Variants in CTNND2 observed in about 807,000 individuals in gnomAD.
CTNND2 encodes the protein catenin delta 2.
CTNND2 carries 22 observed loss-of-function variants against 144.4 expected under a neutral mutation model. That is an observed-to-expected ratio of 0.15 (90% CI 0.11 to 0.22). The LOEUF (loss-of-function observed/expected upper bound fraction) is 0.22. CTNND2 is among the 10% of genes least tolerant of loss of function. The pLI is 1.00. For synonymous variants in CTNND2, 751 were observed against 695.6 expected, an observed-to-expected ratio of 1.08 and a Z score of -1.25; for missense variants, 1,353 against 1,618.8, an observed-to-expected ratio of 0.84 and a Z score of 2.82.
chr5:11,101,726 G>A (rs1208012706), intron 14 of CTNND2, among the ~76,000 whole-genome samples: 1 of 152,156 alleles, frequency 6.6e-6, no homozygotes, highest in Non-Finnish European at 1.5e-5. Flanking sequence ...TTAAGAGCTT[G>A]AAATATGCAA....
At chr5:11,309,983 C>G (rs1219944358) in intron 9 of CTNND2, among the ~76,000 whole-genome samples, 1 of 152,106 alleles carries the variant, frequency 6.6e-6, no homozygotes, top group Non-Finnish European at 1.5e-5. Context: ...TGGGGCCTCC[C>G]CAGCCCTGCT....
At chr5:11,129,561 T>C (rs929642781) in intron 12 of CTNND2, among the ~76,000 whole-genome samples, 1 of 151,164 alleles carries the variant, frequency 6.6e-6, no homozygotes, top group Non-Finnish European at 1.5e-5. Context: ...GCTACAAGAA[T>C]GCCACCAAAT....
intron 3 of CTNND2, among the ~76,000 whole-genome samples, chr5:11,459,823 T>C (rs1766040667): frequency 6.6e-6 from 1 of 152,234 alleles, no homozygotes; most frequent in Non-Finnish European, 1.5e-5. Context: ...ATTCTATAAG[T>C]ACATTTAGGT....
intron 3 of CTNND2, among the ~76,000 whole-genome samples, chr5:11,434,961 A>G (rs951028514): frequency 1.3e-5 from 2 of 152,172 alleles, no homozygotes; most frequent in Non-Finnish European, 2.9e-5. Context: ...CACACAAACA[A>G]TAATTGAAAA....
intron 8 of CTNND2, among the ~76,000 whole-genome samples, chr5:11,356,600 G>A (rs1035583021): frequency 2.0e-5 from 3 of 151,940 alleles, no homozygotes; most frequent in African/African-American, 7.2e-5. Context: ...ACAACTAGAA[G>A]AAAACATAGG....
intron 9 of CTNND2, among the ~76,000 whole-genome samples, chr5:11,243,720 T>C (rs1350801480): frequency 6.6e-6 from 1 of 152,220 alleles, no homozygotes; most frequent in Non-Finnish European, 1.5e-5. Flanking sequence ...TCAGCACAGC[T>C]AAACAGCCAA....
chr5:11,786,183 T>C (rs1343093161), intron 1 of CTNND2, among the ~76,000 whole-genome samples: 1 of 152,216 alleles, frequency 6.6e-6, no homozygotes, highest in African/African-American at 2.4e-5. Flanking sequence ...CCAGGCCAGC[T>C]GGCAGAGGAC....
intron 12 of CTNND2, among the ~76,000 whole-genome samples, chr5:11,124,436 C>A (rs189110000): frequency 6.6e-6 from 1 of 152,114 alleles, no homozygotes; most frequent in Non-Finnish European, 1.5e-5. Context: ...GCCAATCATA[C>A]TTTTCTCGAT....
intron 2 of CTNND2, among the ~76,000 whole-genome samples, chr5:11,701,504 A>G (rs1785431539): frequency 1.3e-5 from 2 of 152,334 alleles, no homozygotes; most frequent in South Asian, 2.1e-4. Flanking sequence ...TATTTATTCT[A>G]TTTTGAGTTA....
intron 2 of CTNND2, among the ~76,000 whole-genome samples, chr5:11,650,005 A>T (rs1782563598): frequency 6.6e-6 from 1 of 152,186 alleles, no homozygotes; most frequent in Non-Finnish European, 1.5e-5. Flanking sequence ...TATTTTTGTT[A>T]TACACTCTTG....
At chr5:11,698,739 C>A (rs1162488954) in intron 2 of CTNND2, among the ~76,000 whole-genome samples, 1 of 151,970 alleles carries the variant, frequency 6.6e-6, no homozygotes, top group Non-Finnish European at 1.5e-5. Context: ...TACTTAATTT[C>A]ATTTGAAATG....
At chr5:11,377,146 G>A (rs1183838788) in intron 7 of CTNND2, among the ~76,000 whole-genome samples, 2 of 151,926 alleles carry the variant, frequency 1.3e-5, no homozygotes, top group Admixed American at 1.3e-4. Flanking sequence ...TGCCTCCTGG[G>A]TTCAAGCAAT....
chr5:11,754,680 G>A (rs999354329), intron 1 of CTNND2, among the ~76,000 whole-genome samples: 2 of 151,778 alleles, frequency 1.3e-5, no homozygotes, highest in African/African-American at 2.4e-5. Flanking sequence ...ATGTTTTCTT[G>A]TTGAGTTGAT....
At chr5:11,208,190 T>A (rs1321744138) in intron 10 of CTNND2, among the ~76,000 whole-genome samples, 2 of 152,148 alleles carry the variant, frequency 1.3e-5, no homozygotes, top group East Asian at 3.9e-4. Context: ...ACGACATGTA[T>A]TTACTGAAAT....
chr5:11,101,700 T>A (rs143674471), intron 14 of CTNND2, among the ~76,000 whole-genome samples: 3 of 152,214 alleles, frequency 2.0e-5, no homozygotes, highest in Non-Finnish European at 4.4e-5. Context: ...CTTGAGAACC[T>A]ACTACCAAAA....
chr5:10,985,406 G>A (rs1403956529), intron 20 of CTNND2, among the ~76,000 whole-genome samples: 1 of 152,160 alleles, frequency 6.6e-6, no homozygotes, highest in Non-Finnish European at 1.5e-5. Flanking sequence ...AGAATTTTAT[G>A]AGGCTTCATC....
chr5:11,582,135 T>C (rs1334071357), intron 2 of CTNND2, among the ~76,000 whole-genome samples: 2 of 152,146 alleles, frequency 1.3e-5, no homozygotes, highest in Non-Finnish European at 2.9e-5. Flanking sequence ...ACAGCTACAG[T>C]ATACCCTAAC....
rs892396551 is a variant in CTNND2 at position 11,183,831 on chromosome 5, T to C, written c.1975+15617A>G. On this transcript the variant is annotated intron_variant, in intron 11 of 21. Transcript: ENST00000304623. ...GCCTCGGCCTCCCAAAGTGCTGGGA[T>C]TACAGGCTTGAGCCACCGCGCCTGG... is the stretch of plus-strand genomic sequence containing the variant. Among the ~76,000 whole-genome samples the C allele has an allele frequency of 2.0e-5, 3 of 152,124 alleles. No individual in the cohort carries two copies. In the East Asian group the frequency reaches 5.8e-4, roughly 29 times the overall value.
At chr5:11,347,031 T>C (rs1264737028) in intron 8 of CTNND2, among the ~76,000 whole-genome samples, 1 of 152,214 alleles carries the variant, frequency 6.6e-6, no homozygotes, top group East Asian at 1.9e-4. Flanking sequence ...ATTAACTTTA[T>C]TAAAGATGTA....
Sources: allele counts gnomAD v4.1 joint callset (sites outside exome capture counted in the v4.1 genomes callset), GRCh38; gene constraint gnomAD v4.1.1; transcripts MANE v1.5; gene names NCBI Gene and HGNC (gene_info 2026-07-23, HGNC 2026-07-21).